Variants in SRFBP1 observed in about 807,000 individuals in gnomAD.
SRFBP1 encodes the protein serum response factor binding protein 1.
A neutral mutation model predicts 45.5 loss-of-function variants in SRFBP1; 47 were observed. The ratio of observed to expected loss-of-function variants is 1.03; its 90% confidence interval spans 0.82 to 1.32. The LOEUF is 1.32. Ranked by LOEUF, SRFBP1 falls within the 40% of genes most tolerant of loss-of-function variation. The pLI is 0.00. For missense variants in SRFBP1, 621 were observed against 484.6 expected (o/e 1.28, Z -2.64); for synonymous variants, 203 against 166.3 (o/e 1.22, Z -1.70).
intron 1 of SRFBP1, among the ~76,000 whole-genome samples, chr5:121,966,792 T>A (rs986788071): frequency 7.9e-5 from 12 of 151,490 alleles, no homozygotes; most frequent in South Asian, 2.1e-4. Flanking sequence ...TTTTATTTTT[T>A]TTTTTGAGAC....
chr5:122,072,808 G>A (rs1754488409), intron 2 of SRFBP1, among the ~76,000 whole-genome samples: 1 of 152,228 alleles, frequency 6.6e-6, no homozygotes, highest in African/African-American at 2.4e-5. Flanking sequence ...GGAACCAGAA[G>A]TGCTATAATG....
intron 2 of SRFBP1, among the ~76,000 whole-genome samples, chr5:122,059,958 C>T (rs1418247805): frequency 2.0e-5 from 3 of 152,040 alleles, no homozygotes; most frequent in East Asian, 1.9e-4. Context: ...TATTCTTTTT[C>T]TGTTTGCCTT....
At chr5:122,078,105 G>C, downstream of SRFBP1, 2 of 949,006 alleles carry the variant, frequency 2.1e-6, no homozygotes, top group South Asian at 4.9e-5. Context: ...CGGAGCACGG[G>C]TATCTCAGTC....
chr5:122,058,546 G>GTGTGTGTGTGTGTT (rs1561411727), intron 2 of SRFBP1, among the ~76,000 whole-genome samples: 2 of 151,210 alleles, frequency 1.3e-5, no homozygotes, highest in African/African-American at 4.9e-5. Flanking sequence ...GTGTGTGTGT[G>GTGTGTGTGTGTGTT]TGTGTGTGTG....
intron 2 of SRFBP1, among the ~76,000 whole-genome samples, chr5:122,037,672 G>C (rs1753714541): frequency 6.7e-6 from 1 of 149,696 alleles, no homozygotes; most frequent in Non-Finnish European, 1.5e-5. Flanking sequence ...TTTTTATTTT[G>C]TATTCTTTTT....
chr5:122,052,832 A>G (rs955082038), intron 2 of SRFBP1, among the ~76,000 whole-genome samples: 2 of 152,174 alleles, frequency 1.3e-5, no homozygotes, highest in African/African-American at 4.8e-5. Flanking sequence ...TTGAGTGCTC[A>G]GAGGTCTCGT....
chr5:122,001,281 TATA>T (rs1752860682), intron 4 of SRFBP1, among the ~76,000 whole-genome samples: 1 of 151,636 alleles, frequency 6.6e-6, no homozygotes, highest in Admixed American at 6.6e-5. Context: ...GAAATTTTGC[TATA>T]ACAGATTGGT....
At chr5:121,972,326 T>G (rs914189151) in intron 1 of SRFBP1, among the ~76,000 whole-genome samples, 2 of 151,798 alleles carry the variant, frequency 1.3e-5, no homozygotes, top group African/African-American at 4.8e-5. Context: ...AAATGATGGT[T>G]CCCAACTGAT....
intron 4 of SRFBP1, among the ~76,000 whole-genome samples, chr5:122,007,150 G>C (rs1053983592): frequency 2.0e-5 from 3 of 152,174 alleles, no homozygotes; most frequent in African/African-American, 7.2e-5. Context: ...TGGGCATGCC[G>C]GCCTGGTGAC....
chr5:122,035,317 C>CTATA (rs1753675629), intron 2 of SRFBP1, among the ~76,000 whole-genome samples: 1 of 152,142 alleles, frequency 6.6e-6, no homozygotes, highest in Non-Finnish European at 1.5e-5. Flanking sequence ...AGGCTCATAT[C>CTATA]TATGAGCCTA....
chr5:122,033,429 C>T (rs1192223524), downstream of SRFBP1, among the ~76,000 whole-genome samples: 1 of 151,736 alleles, frequency 6.6e-6, no homozygotes, highest in African/African-American at 2.4e-5. Flanking sequence ...TTCCTTACAA[C>T]GGTTTGCTTG....
intron 4 of SRFBP1, among the ~76,000 whole-genome samples, chr5:122,004,294 T>A (rs899672950): frequency 6.6e-6 from 1 of 152,180 alleles, no homozygotes; most frequent in African/African-American, 2.4e-5. Context: ...CCATTTTGAG[T>A]TGAGGTTTGT....
At chr5:122,030,122 T>C (rs574054813), downstream of SRFBP1, among the ~76,000 whole-genome samples, 1 of 152,222 alleles carries the variant, frequency 6.6e-6, no homozygotes, top group African/African-American at 2.4e-5. Context: ...TAATAACAGC[T>C]AAAATGGCAG....
chr5:121,988,154 T>C (rs1246817576), intron 3 of SRFBP1, among the ~76,000 whole-genome samples: 1 of 152,194 alleles, frequency 6.6e-6, no homozygotes, highest in Non-Finnish European at 1.5e-5. Flanking sequence ...TAGTTTAACA[T>C]AATTAGGAAG....
chr5:122,078,352 T>A (rs2152591996), downstream of SRFBP1: 1 of 184,908 alleles, frequency 5.4e-6, no homozygotes. Flanking sequence ...AGCTATTTGT[T>A]CACGTAATGC....
At chr5:121,974,317 A>G in intron 2 of SRFBP1, 33 bp downstream of exon 2, 1 of 1,472,764 alleles carries the variant, frequency 6.8e-7, no homozygotes, top group Non-Finnish European at 9.5e-7. Context: ...CTTGTGACTA[A>G]TAAAATGTCA....
chr5:122,007,874 G>A (rs1753010534), intron 4 of SRFBP1, among the ~76,000 whole-genome samples: 1 of 152,172 alleles, frequency 6.6e-6, no homozygotes. Context: ...GGGCCACAGG[G>A]GCAGACTTAG....
intron 2 of SRFBP1, among the ~76,000 whole-genome samples, chr5:122,048,401 G>T (rs1052072035): frequency 2.0e-5 from 3 of 152,182 alleles, no homozygotes; most frequent in South Asian, 2.1e-4. Context: ...AAGCCCACTT[G>T]ATCATGGTGG....
At chr5:121,994,149 G>A (rs1752670498) in intron 3 of SRFBP1, among the ~76,000 whole-genome samples, 1 of 151,954 alleles carries the variant, frequency 6.6e-6, no homozygotes, top group African/African-American at 2.4e-5. Flanking sequence ...TTTATTTCAT[G>A]AAGTTTCTGC....
Sources: gnomAD v4.1 joint callset for allele counts (sites outside exome capture counted in the v4.1 genomes callset) on GRCh38, gnomAD v4.1.1 for gene constraint, MANE v1.5 for transcripts, NCBI Gene and HGNC (gene_info 2026-07-23, HGNC 2026-07-21) for gene names.